NTNG2: variants seen among roughly 807,000 people sequenced by gnomAD.
The protein encoded by NTNG2 is netrin G2.
NTNG2 carries 15 observed loss-of-function variants against 47.6 expected under a neutral mutation model. The observed-to-expected ratio is 0.32, with a 90% CI of 0.21 to 0.49. The LOEUF is 0.49. Ranked by LOEUF, NTNG2 falls within the 20% of genes least tolerant of loss-of-function variation. NTNG2 has a pLI of 0.99. For missense variants in NTNG2, 578 were observed against 764.6 expected, an observed-to-expected ratio of 0.76 and a Z score of 2.88; for synonymous variants, 307 against 324.6, an observed-to-expected ratio of 0.95 and a Z score of 0.58.
Position 132,236,447 on chromosome 9 carries a change from C to A in NTNG2, c.1055-2657C>A, listed in dbSNP as rs972800907. On this transcript the variant is annotated intron_variant, in intron 5 of 7. Transcript: ENST00000393229. This position sits in a 1 kb window ranked among gnomAD's most constrained non-coding sequence, Gnocchi z 4.3. ...TTGTCCCTGGCCCCAGCTCACCAAG[C>A]CTGGGTGGGGAATTAGGGCCTGAGG... Among the ~76,000 whole-genome samples, 3 of 152,170 alleles carry A rather than the reference C, an allele frequency of 2.0e-5. No homozygotes were observed. The East Asian group carries it at 5.8e-4, about 29-fold the overall frequency.
chr9:132,220,492 G>A (rs1164381981), intron 3 of NTNG2, among the ~76,000 whole-genome samples: 3 of 141,592 alleles, frequency 2.1e-5, no homozygotes, highest in South Asian at 2.2e-4. Context: ...ACAGAGTCTC[G>A]CTCTGTGCTC....
rs1439608807 is a variant in NTNG2 at position 132,243,438 on chromosome 9, G to C, written c.*1327G>C. 1 of 152,288 alleles carries C rather than the reference G, an allele frequency of 6.6e-6. No individual in the cohort carries two copies. Among genetic ancestry groups the C allele is most frequent in the Non-Finnish European group, 1.5e-5 (1 of 68,110 alleles). The allele number at this position is 152,288 out of a possible 1,614,324, so 9.4% of individuals were successfully genotyped here. A position where few individuals can be genotyped will look rare whatever the true frequency, so the allele number is the denominator to read the frequency against. On this transcript the variant is annotated 3_prime_UTR_variant, in exon 8 of 8. Coordinates refer to ENST00000393229, the MANE Select transcript of NTNG2 (RefSeq NM_032536.4). Reference sequence around the variant, plus strand: ...GGGGCAGCTTGGGAGTGGTGAGGAAGCTCCTAGATTCGGGGCTCATCCCCT... The same window carrying C: ...GGGGCAGCTTGGGAGTGGTGAGGAACCTCCTAGATTCGGGGCTCATCCCCT...
intron 2 of NTNG2, among the ~76,000 whole-genome samples, chr9:132,171,556 G>T (rs530497389): frequency 6.6e-6 from 1 of 152,200 alleles, no homozygotes; most frequent in African/African-American, 2.4e-5. Context: ...GGCTGTGAAC[G>T]TGCATCTTTG....
chr9:132,209,724 T>G (rs1589474454), intron 3 of NTNG2, among the ~76,000 whole-genome samples: 1 of 144,904 alleles, frequency 6.9e-6, no homozygotes, highest in South Asian at 2.2e-4. Flanking sequence ...TTTAAAAGAG[T>G]GAAATAGGGG....
At chr9:132,199,861 G>A (rs1287810004) in intron 3 of NTNG2, among the ~76,000 whole-genome samples, 1 of 152,222 alleles carries the variant, frequency 6.6e-6, no homozygotes, top group African/African-American at 2.4e-5. Flanking sequence ...AGAGGAATGT[G>A]TTTTGAGGAA....
chr9:132,209,495 G>A (rs527488232), intron 3 of NTNG2, among the ~76,000 whole-genome samples: 7 of 152,322 alleles, frequency 4.6e-5, no homozygotes, highest in Admixed American at 3.3e-4. Context: ...ATCAGAGACA[G>A]GGGGAATCTG....
intron 4 of NTNG2, among the ~76,000 whole-genome samples, 164 bp downstream of exon 4, chr9:132,227,185 A>C (rs1209125499): frequency 2.0e-5 from 3 of 152,228 alleles, no homozygotes; most frequent in Non-Finnish European, 4.4e-5. Flanking sequence ...GCATGCATGC[A>C]CAGGCATGGG....
At chr9:132,217,948 G>A (rs1281105965) in intron 3 of NTNG2, among the ~76,000 whole-genome samples, 14 of 152,308 alleles carry the variant, frequency 9.2e-5, no homozygotes, top group Admixed American at 1.3e-4. Flanking sequence ...CACCCCAACC[G>A]TGATGAGTGT....
intron 2 of NTNG2, among the ~76,000 whole-genome samples, chr9:132,171,791 C>T (rs1835930674): frequency 6.6e-6 from 1 of 152,206 alleles, no homozygotes; most frequent in African/African-American, 2.4e-5. Context: ...CCTTGAGGAT[C>T]ATGAAATGTT....
chr9:132,197,878 C>T lies in NTNG2; in HGVS notation c.214-88C>T, dbSNP rs953466310. On this transcript the variant is annotated intron_variant, in intron 2 of 7. Transcript: ENST00000393229. The surrounding 1 kb of genome is among the most constrained non-coding windows in gnomAD (Gnocchi z 4.3). The stretch of plus-strand genomic sequence containing the variant: ...TAGCCACAGAGCAGGTTTCTCGGTT[C>T]GCAGGCAGGGGCTAGGCCGCGCAGA... The T allele has an allele frequency of 1.7e-5, 22 of 1,308,496 alleles. No homozygotes were observed. The highest frequency in any genetic ancestry group is 8.8e-5 in the South Asian group (6 of 68,082). The allele number at this position is 1,308,496 out of a possible 1,614,324, so 81.1% of individuals were successfully genotyped here. A position where few individuals can be genotyped will look rare whatever the true frequency, so the allele number is the denominator to read the frequency against.
chr9:132,188,848 G>C (rs1279959746), intron 2 of NTNG2, among the ~76,000 whole-genome samples: 1 of 152,132 alleles, frequency 6.6e-6, no homozygotes, highest in African/African-American at 2.4e-5. Flanking sequence ...GAGGAGGGCC[G>C]GGGGCTGGGG....
At chr9:132,193,254 C>T (rs971991855) in intron 2 of NTNG2, among the ~76,000 whole-genome samples, 7 of 152,164 alleles carry the variant, frequency 4.6e-5, no homozygotes, top group African/African-American at 1.7e-4. Context: ...TTATTAATAG[C>T]TTATTAATAT....
chr9:132,179,025 A>C (rs1324802316), intron 2 of NTNG2, among the ~76,000 whole-genome samples: 3 of 150,944 alleles, frequency 2.0e-5, no homozygotes, highest in Non-Finnish European at 2.9e-5. Flanking sequence ...CCTATGAAGG[A>C]GAAACTGAGG....
chr9:132,242,910 T>C lies in NTNG2; in HGVS notation c.*799T>C, dbSNP rs1842070261. 6.6e-6 allele frequency: 1 copy of C among 152,116 alleles called. No homozygotes were observed. The highest frequency in any genetic ancestry group is 1.5e-5 in the Non-Finnish European group (1 of 68,016). The allele number at this position is 152,116 out of a possible 1,614,324, so 9.4% of individuals were successfully genotyped here. A position where few individuals can be genotyped will look rare whatever the true frequency, so the allele number is the denominator to read the frequency against. On this transcript the variant is annotated 3_prime_UTR_variant, in exon 8 of 8. Transcript: ENST00000393229. The surrounding 1 kb of genome is among the most constrained non-coding windows in gnomAD (Gnocchi z 5.9). ...TACAGAGGAATCCACAACACAGCCT[T>C]AAAGAAACGGTTTCCCTACTGGGGC...
rs972769704 is a variant in NTNG2, at chr9:132,236,759, C to T, written c.1055-2345C>T. Among the ~76,000 whole-genome samples the T allele has an allele frequency of 1.3e-5, 2 of 152,192 alleles. No individual in the cohort carries two copies. Among genetic ancestry groups the T allele is most frequent in the African/African-American group, 4.8e-5 (2 of 41,454 alleles). On this transcript the variant is annotated intron_variant, in intron 5 of 7. Coordinates refer to ENST00000393229, the MANE Select transcript of NTNG2 (RefSeq NM_032536.4). This position sits in a 1 kb window ranked among gnomAD's most constrained non-coding sequence, Gnocchi z 4.3. ...AGGGAAGCCAAGGTAGTGACGATCC[C>T]GGGACAGTGGCCTGCTCACCCACAG...
intron 5 of NTNG2, 32 bp downstream of exon 5, chr9:132,230,627 C>A (rs1388864543): frequency 3.1e-6 from 5 of 1,598,710 alleles, no homozygotes; most frequent in African/African-American, 1.3e-5. Context: ...GTGGCCAGGG[C>A]CCCCACTGCA....
intron 2 of NTNG2, among the ~76,000 whole-genome samples, chr9:132,171,995 G>C (rs1835956282): frequency 6.6e-6 from 1 of 152,176 alleles, no homozygotes. Flanking sequence ...AAAAACAAGA[G>C]AAAAACACTA....
rs1564448234 is a variant in NTNG2, at chr9:132,239,097, G to A, written c.1055-7G>A. 7 of 1,610,060 alleles carry A rather than the reference G, an allele frequency of 4.3e-6. No individual in the cohort carries two copies. Among genetic ancestry groups the A allele is most frequent in the Non-Finnish European group, 5.1e-6 (6 of 1,176,764 alleles). On this transcript the variant is annotated splice_polypyrimidine_tract_variant and splice_region_variant and intron_variant, in intron 5 of 7. Transcript: ENST00000393229. The stretch of plus-strand genomic sequence containing the variant: ...CCATTGGTATTTCTCCCACTTGGCC[G>A]GCCCAGACTGCGAATGCTACGGTCA...
rs1265828635 is a variant in NTNG2 at position 132,182,966 on chromosome 9, G to A, written c.214-15000G>A. Among the ~76,000 whole-genome samples the A allele has an allele frequency of 6.6e-6, 1 of 152,178 alleles. No homozygotes were observed. The highest frequency in any genetic ancestry group is 1.9e-4 in the East Asian group (1 of 5,184). On this transcript the variant is annotated intron_variant, in intron 2 of 7. Transcript: ENST00000393229. This position sits in a 1 kb window ranked among gnomAD's most constrained non-coding sequence, Gnocchi z 4.2. ...GAGGAGGCATTAAACCTCCCCAGGT[G>A]GTCCCAGTGCACAGCCAAGTTTGAG... is the stretch of plus-strand genomic sequence containing the variant.
Sources: allele counts gnomAD v4.1 joint callset (sites outside exome capture counted in the v4.1 genomes callset), GRCh38; gene constraint gnomAD v4.1.1; non-coding constraint Gnocchi (gnomAD v3.1); transcripts MANE v1.5; gene names NCBI Gene and HGNC (gene_info 2026-07-23, HGNC 2026-07-21).